The following SEC22A variants were observed in gnomAD, a reference collection of about 807,000 sequenced individuals.
The protein encoded by SEC22A is SEC22 homolog A, vesicle trafficking protein, also known as vesicle-trafficking protein SEC22a.
A neutral mutation model predicts 35.3 loss-of-function variants in SEC22A; 22 were observed. That is an observed-to-expected ratio of 0.62 (90% CI 0.45 to 0.89). The LOEUF (loss-of-function observed/expected upper bound fraction) is 0.89. Among genes scored for constraint, SEC22A ranks in the 40% least tolerant of loss-of-function variants. The probability of loss-of-function intolerance (pLI) is 0.00; values close to 1 mark genes in which losing one functional copy is unlikely to be tolerated. For missense variants in SEC22A, 354 were observed against 362.5 expected (o/e 0.98, Z 0.19); for synonymous variants, 119 against 129.5 (o/e 0.92, Z 0.55).
At chr3:123,212,518 GACTTAA>G (rs1936954120) in intron 2 of SEC22A, among the ~76,000 whole-genome samples, 1 of 151,914 alleles carries the variant, frequency 6.6e-6, no homozygotes, top group Non-Finnish European at 1.5e-5. Context: ...AGGTGTGCTG[GACTTAA>G]ACTTTTGCAA....
intron 4 of SEC22A, among the ~76,000 whole-genome samples, chr3:123,227,437 C>T (rs1178933001): frequency 1.3e-5 from 2 of 151,362 alleles, no homozygotes; most frequent in Non-Finnish European, 2.9e-5. Flanking sequence ...AGGGGAACAT[C>T]ACACACGGGG....
chr3:123,221,470 C>CAAAA (rs56800842), intron 2 of SEC22A, among the ~76,000 whole-genome samples: 789 of 60,574 alleles, frequency 0.013, 51 homozygotes, highest in African/African-American at 0.051. Flanking sequence ...GAGTCCATCT[C>CAAAA]AAAAAAAAAA....
chr3:123,220,588 A>G (rs377553731), intron 2 of SEC22A, among the ~76,000 whole-genome samples: 6 of 152,262 alleles, frequency 3.9e-5, no homozygotes, highest in South Asian at 2.1e-4. Flanking sequence ...TTATGAAACA[A>G]TATTCCAATA....
At chr3:123,213,907 G>C (rs1331783322) in intron 2 of SEC22A, among the ~76,000 whole-genome samples, 3 of 152,116 alleles carry the variant, frequency 2.0e-5, no homozygotes, top group East Asian at 3.8e-4. Context: ...AATTAGGCTG[G>C]GTCTGGTGGC....
At chr3:123,229,645 C>T (rs972397833) in intron 4 of SEC22A, among the ~76,000 whole-genome samples, 13 of 152,032 alleles carry the variant, frequency 8.6e-5, no homozygotes, top group South Asian at 2.1e-4. Flanking sequence ...GGGCAGATCA[C>T]GAGGTCAGGA....
At chr3:123,248,089 C>T (rs1015677574) in intron 5 of SEC22A, among the ~76,000 whole-genome samples, 4 of 152,142 alleles carry the variant, frequency 2.6e-5, no homozygotes, top group African/African-American at 7.2e-5. Context: ...ATTGAAAGAA[C>T]GTACAGCTAA....
At chr3:123,269,625 ATTTTTTTTTTT>A (rs35895285) in intron 6 of SEC22A, among the ~76,000 whole-genome samples, 3 of 89,492 alleles carry the variant, frequency 3.4e-5, no homozygotes, top group African/African-American at 1.2e-4. Context: ...AAGGACATGA[ATTTTTTTTTTT>A]TTTTTTTTTT....
chr3:123,244,642 A>G (rs2108076006), intron 4 of SEC22A, among the ~76,000 whole-genome samples: 1 of 152,288 alleles, frequency 6.6e-6, no homozygotes, highest in Non-Finnish European at 1.5e-5. Flanking sequence ...TTTTTGTGAT[A>G]TGTAGATTCT....
At chr3:123,247,083 G>C (rs1257909034) in intron 5 of SEC22A, among the ~76,000 whole-genome samples, 3 of 152,106 alleles carry the variant, frequency 2.0e-5, no homozygotes, top group Non-Finnish European at 4.4e-5. Context: ...CTGTCCCTCG[G>C]CCTTTCTGTT....
chr3:123,224,898 T>A (rs1937194211), intron 3 of SEC22A, among the ~76,000 whole-genome samples: 1 of 152,198 alleles, frequency 6.6e-6, no homozygotes, highest in Non-Finnish European at 1.5e-5. Flanking sequence ...CTTAGTTTAT[T>A]TAAAATTACT....
At chr3:123,262,099 A>T (rs759399101) in intron 6 of SEC22A, among the ~76,000 whole-genome samples, 4 of 152,232 alleles carry the variant, frequency 2.6e-5, no homozygotes, top group Non-Finnish European at 4.4e-5. Context: ...TTAAGTAATT[A>T]TGTTTTACCA....
At chr3:123,245,848 A>T in intron 4 of SEC22A, 51 bp from the exon 5 acceptor site, 1 of 1,010,524 alleles carries the variant, frequency 9.9e-7, no homozygotes, top group Non-Finnish European at 1.5e-6. Flanking sequence ...ACCTAAGTTC[A>T]TCTTTGTGAG....
intron 2 of SEC22A, among the ~76,000 whole-genome samples, chr3:123,218,979 A>G (rs938576841): frequency 2.6e-5 from 4 of 152,326 alleles, no homozygotes; most frequent in Admixed American, 2.6e-4. Flanking sequence ...ACAATTACAA[A>G]TTGGGTTAGT....
chr3:123,225,577 G>T (rs1937205978), intron 4 of SEC22A, among the ~76,000 whole-genome samples: 1 of 152,090 alleles, frequency 6.6e-6, no homozygotes, highest in South Asian at 2.1e-4. Flanking sequence ...TACATATTCG[G>T]TGTGTAATAT....
intron 6 of SEC22A, among the ~76,000 whole-genome samples, chr3:123,260,891 A>C (rs1009140291): frequency 7.0e-6 from 1 of 143,186 alleles, no homozygotes; most frequent in Non-Finnish European, 1.5e-5. Context: ...GCTGGAGTGC[A>C]GTTGTGCGAT....
At chr3:123,241,402 T>C (rs16834104) in intron 4 of SEC22A, among the ~76,000 whole-genome samples, 1,912 of 152,302 alleles carry the variant, frequency 0.013, 39 homozygotes, top group African/African-American at 0.044. Context: ...ACTTGAAATT[T>C]CTCTCTTATC....
intron 4 of SEC22A, among the ~76,000 whole-genome samples, chr3:123,243,058 C>T (rs894926714): frequency 6.6e-6 from 1 of 152,128 alleles, no homozygotes; most frequent in Non-Finnish European, 1.5e-5. Context: ...GTGTCCACCT[C>T]CCTTTCTGAC....
Position 123,226,471 on chromosome 3 carries a change from C to T in SEC22A, c.541+1174C>T, listed in dbSNP as rs138484996. Reference sequence around the variant, plus strand: ...GTGATGTTGAGCACCTTTTCATATACCTGTTTACCATTTGTATGTCTCTTT... The same window carrying T: ...GTGATGTTGAGCACCTTTTCATATATCTGTTTACCATTTGTATGTCTCTTT... On this transcript the variant is annotated intron_variant, in intron 4 of 6. Coordinates refer to ENST00000492595, the MANE Select transcript of SEC22A (RefSeq NM_012430.5). 5.9e-5 allele frequency among the ~76,000 whole-genome samples: 9 copies of T among 152,246 alleles called. No individual in the cohort carries two copies. In the East Asian group the frequency reaches 1.7e-3, roughly 29 times the overall value.
chr3:123,229,381 T>C (rs990499466), intron 4 of SEC22A, among the ~76,000 whole-genome samples: 3 of 152,076 alleles, frequency 2.0e-5, no homozygotes, highest in Non-Finnish European at 4.4e-5. Flanking sequence ...GCAGAACCAA[T>C]AGAGACTAGT....
Sources: gnomAD v4.1 joint callset for allele counts (sites outside exome capture counted in the v4.1 genomes callset) on GRCh38, gnomAD v4.1.1 for gene constraint, MANE v1.5 for transcripts, NCBI Gene and HGNC (gene_info 2026-07-23, HGNC 2026-07-21) for gene names.